SARDH: variants seen among roughly 807,000 people sequenced by gnomAD.
SARDH encodes sarcosine dehydrogenase, mitochondrial.
SARDH carries 95 observed loss-of-function variants against 109.1 expected under a neutral mutation model. That is an observed-to-expected ratio of 0.87 (90% CI 0.74 to 1.03). The LOEUF (loss-of-function observed/expected upper bound fraction) is 1.03. Among genes scored for constraint, SARDH ranks in the 50% least tolerant of loss-of-function variants. SARDH has a pLI of 0.00. For missense variants in SARDH, 1,267 were observed against 1,287.8 expected (o/e 0.98, Z 0.25); for synonymous variants, 572 against 534.8 (o/e 1.07, Z -0.96).
downstream of SARDH, among the ~76,000 whole-genome samples, chr9:133,661,282 G>A (rs1305967016): frequency 6.6e-6 from 1 of 151,434 alleles, no homozygotes; most frequent in East Asian, 2.0e-4. Context: ...GGAGGTTGTA[G>A]TGAGCTGAGA....
downstream of SARDH, among the ~76,000 whole-genome samples, chr9:133,659,792 A>G (rs1832388342): frequency 6.6e-6 from 1 of 151,964 alleles, no homozygotes; most frequent in Non-Finnish European, 1.5e-5. Flanking sequence ...CAGCCTGGAG[A>G]GCCACTCCGG....
chr9:133,666,729 A>G lies in SARDH; in HGVS notation c.2631+6T>C. The G allele has an allele frequency of 6.3e-7, 1 of 1,583,780 alleles. No homozygotes were observed. The highest frequency in any genetic ancestry group is 1.2e-5 in the South Asian group (1 of 86,674). ...TGCCTTAGCAGGGCCAGAGAAGGGG[A>G]CTCACCGGCCCACCGCTGGGGTCAT... On this transcript the variant is annotated splice_donor_region_variant and intron_variant, in intron 20 of 20. Coordinates refer to ENST00000439388, the MANE Select transcript of SARDH (RefSeq NM_001134707.2). This position sits in a 1 kb window ranked among gnomAD's most constrained non-coding sequence, Gnocchi z 5.2.
intron 6 of SARDH, among the ~76,000 whole-genome samples, chr9:133,729,103 G>A (rs1444726856): frequency 2.6e-5 from 4 of 151,988 alleles, no homozygotes; most frequent in African/African-American, 4.8e-5. Context: ...GGATAGATAC[G>A]GGAGTAGATG....
chr9:133,662,342 G>A (rs966860178), downstream of SARDH, among the ~76,000 whole-genome samples: 1 of 152,114 alleles, frequency 6.6e-6, no homozygotes. This position sits in a 1 kb window ranked among gnomAD's most constrained non-coding sequence, Gnocchi z 5.1. Context: ...GTGGTCACCG[G>A]CCCAATCCAG....
At chr9:133,710,791 C>T (rs536705175) in intron 10 of SARDH, among the ~76,000 whole-genome samples, 13 of 152,336 alleles carry the variant, frequency 8.5e-5, no homozygotes, top group African/African-American at 2.2e-4. Context: ...CTGCTGGTGG[C>T]GGCCGTCCAC....
In SARDH at chr9:133,683,500, G is replaced by A. The variant is rs142135720; in HGVS notation, c.2163+1693C>T. 4.3e-3 allele frequency among the ~76,000 whole-genome samples: 657 copies of A among 152,286 alleles called. 1 individual carries two copies. Among genetic ancestry groups the A allele is most frequent in the African/African-American group, 0.015 (639 of 41,580 alleles). On this transcript the variant is annotated intron_variant, in intron 17 of 20. Coordinates refer to ENST00000439388, the MANE Select transcript of SARDH (RefSeq NM_001134707.2). ...ACCCCGGCCTGCTGGAGCTGGAGTCGGGCCATCTGAAGGCCGTGTGGCCTG... is the reference window on the plus strand; with the variant it reads ...ACCCCGGCCTGCTGGAGCTGGAGTCAGGCCATCTGAAGGCCGTGTGGCCTG...
In SARDH at chr9:133,663,874, A is replaced by G; in HGVS notation, c.*15T>C. ...ATGGATGGACAGCATGGGATGGGGC[A>G]TGTGGTCTGAGCCCTCAGTAGATTC... On this transcript the variant is annotated 3_prime_UTR_variant, in exon 21 of 21. Coordinates refer to ENST00000439388, the MANE Select transcript of SARDH (RefSeq NM_001134707.2). 6.2e-7 allele frequency: 1 copy of G among 1,613,818 alleles called. No individual in the cohort carries two copies. Among genetic ancestry groups the G allele is most frequent in the South Asian group, 1.1e-5 (1 of 91,036 alleles).
At chr9:133,726,553 AC>A (rs1832499390) in intron 6 of SARDH, among the ~76,000 whole-genome samples, 1 of 152,068 alleles carries the variant, frequency 6.6e-6, no homozygotes, top group Non-Finnish European at 1.5e-5. Context: ...GTCTGGACTT[AC>A]CTGCCCCTTG....
In SARDH at chr9:133,671,564, C is replaced by T. The variant is rs201044298; in HGVS notation, c.2297G>A (p.Arg766His). Residue 766 changes from arginine to histidine, a missense_variant, in exon 18 of 21, where the codon CGC becomes CAC. Arg to His is a conservative substitution (Grantham distance 29). Transcript: ENST00000439388. ...AKHGLINAGY[R>H]AIDSLSIEKG... ...CTCAATGCTCAGGGAGTCGATGGCG[C>T]GGTACCCTGCGTTGATGAGGCCGTG... The T allele has an allele frequency of 1.3e-5, 21 of 1,608,766 alleles. No homozygotes were observed. The highest frequency in any genetic ancestry group is 4.4e-5 in the South Asian group (4 of 90,108).
chr9:133,680,875 G>A (rs866320277), intron 17 of SARDH, among the ~76,000 whole-genome samples: 9 of 152,372 alleles, frequency 5.9e-5, no homozygotes, highest in Admixed American at 2.6e-4. Flanking sequence ...GTGGGGCTGC[G>A]CTCAGTGCTG....
At chr9:133,716,103 C>A (rs929282876) in intron 8 of SARDH, among the ~76,000 whole-genome samples, 1 of 152,214 alleles carries the variant, frequency 6.6e-6, no homozygotes, top group Non-Finnish European at 1.5e-5. Flanking sequence ...GCAGGCCCAG[C>A]GCTGACTCGC....
chr9:133,681,722 C>T (rs1487187933), intron 17 of SARDH, among the ~76,000 whole-genome samples: 2 of 152,212 alleles, frequency 1.3e-5, no homozygotes, highest in African/African-American at 4.8e-5. Flanking sequence ...GACTGAGAGT[C>T]CCAGTGGCCC....
rs751846488 is a variant in SARDH, at chr9:133,702,981, C to A, written c.1603G>T (p.Asp535Tyr). The A allele has an allele frequency of 8.1e-6, 13 of 1,613,408 alleles. No homozygotes were observed. Among genetic ancestry groups the A allele is most frequent in the Non-Finnish European group, 1.1e-5 (13 of 1,179,992 alleles). ...GCCAGCAGCCTGCGGTAGGCGTAGT[C>A]CTCGTGCGCGCGGCTCCCGTAAGCC... ...YGAYGSRAHE[D>Y]YAYRRLLADE... The change falls in exon 13 of 21, where the codon GAC becomes TAC. Residue 535 changes from aspartate (D) to tyrosine (Y), a missense_variant. Asp to Tyr is a radical substitution (Grantham distance 160). Coordinates refer to ENST00000439388, the MANE Select transcript of SARDH (RefSeq NM_001134707.2).
chr9:133,730,624 T>C (rs781759547), intron 4 of SARDH, among the ~76,000 whole-genome samples: 6 of 137,034 alleles, frequency 4.4e-5, no homozygotes, highest in Admixed American at 7.2e-5. Context: ...CATACTAAAA[T>C]GTCAATACTA....
Position 133,718,815 on chromosome 9 carries a change from C to A in SARDH, c.1020+123G>T. ...CTTTGAGCTTGGTGGGGTCAGGGGA[C>A]CGGCCACTTCTCAGGTGTGCCTCTG... On this transcript the variant is annotated intron_variant, in intron 7 of 20. Coordinates refer to ENST00000439388, the MANE Select transcript of SARDH (RefSeq NM_001134707.2). The surrounding 1 kb of genome is among the most constrained non-coding windows in gnomAD (Gnocchi z 4.2). The A allele has an allele frequency of 1.2e-6, 1 of 847,564 alleles. No individual in the cohort carries two copies. Among genetic ancestry groups the A allele is most frequent in the South Asian group, 1.3e-5 (1 of 75,662 alleles). 52.5% of individuals were successfully genotyped at this position (847,564 alleles called of 1,614,324 possible).
chr9:133,674,617 C>T lies in SARDH; in HGVS notation c.2164-2920G>A, dbSNP rs186054082. On this transcript the variant is annotated intron_variant, in intron 17 of 20. Coordinates refer to ENST00000439388, the MANE Select transcript of SARDH (RefSeq NM_001134707.2). ...CACGTATGTGTTCACATGATCTCTA[C>T]AAGGGCGCTGAGGCCACTCATGGGG... 2.8e-4 allele frequency among the ~76,000 whole-genome samples: 43 copies of T among 152,336 alleles called. No individual in the cohort carries two copies. In the East Asian group the frequency reaches 8.3e-3, roughly 29 times the overall value.
chr9:133,694,505 A>T, intron 14 of SARDH, 134 bp from the exon 15 acceptor site: 1 of 756,358 alleles, frequency 1.3e-6, no homozygotes, highest in Non-Finnish European at 2.3e-6. Flanking sequence ...AGGATGCCCT[A>T]CTGGGAGGTG....
intron 2 of SARDH, among the ~76,000 whole-genome samples, chr9:133,732,900 G>A (rs1029157101): frequency 9.2e-5 from 14 of 152,182 alleles, no homozygotes; most frequent in African/African-American, 3.1e-4. Flanking sequence ...TATGAGGAGG[G>A]CGTGATTCTC....
chr9:133,737,367 G>T (rs373278438), intron 1 of SARDH, among the ~76,000 whole-genome samples: 1 of 152,220 alleles, frequency 6.6e-6, no homozygotes, highest in South Asian at 2.1e-4. Context: ...GTGTCAGCCC[G>T]CCTGGCTCCT....
Sources: allele counts gnomAD v4.1 joint callset (sites outside exome capture counted in the v4.1 genomes callset), GRCh38; gene constraint gnomAD v4.1.1; non-coding constraint Gnocchi (gnomAD v3.1); transcripts MANE v1.5; gene names NCBI Gene and HGNC (gene_info 2026-07-23, HGNC 2026-07-21).